GFRA1: variants seen among roughly 807,000 people sequenced by gnomAD.
GFRA1 encodes the protein GDNF family receptor alpha-1.
Under a neutral mutation model 51.6 loss-of-function variants are expected in GFRA1, and 16 were observed. The observed-to-expected ratio is 0.31, with a 90% CI of 0.21 to 0.47. The LOEUF (loss-of-function observed/expected upper bound fraction) is 0.47, where lower values mean the gene tolerates loss of function less well. Among genes scored for constraint, GFRA1 ranks in the 20% least tolerant of loss-of-function variants. The probability of loss-of-function intolerance (pLI) is 1.00; values close to 1 mark genes in which losing one functional copy is unlikely to be tolerated. For synonymous variants in GFRA1, 270 were observed against 241.3 expected, an observed-to-expected ratio of 1.12 and a Z score of -1.10; for missense variants, 530 against 594.3, an observed-to-expected ratio of 0.89 and a Z score of 1.13.
intron 3 of GFRA1, among the ~76,000 whole-genome samples, 173 bp from the exon 4 acceptor site, chr10:116,269,759 C>A (rs1177087265): frequency 6.6e-6 from 1 of 152,144 alleles, no homozygotes; most frequent in African/African-American, 2.4e-5. Flanking sequence ...TCATTCCCTC[C>A]GCCTTTGTTG....
rs6144108 is a variant in GFRA1 at position 116,064,037 on chromosome 10, AATCATCATCATGATCATGATG to A, written c.*340_*360del. 31,787 of 206,490 alleles carry A rather than the reference AATCATCATCATGATCATGATG, an allele frequency of 0.15. 3,162 individuals carry two copies. Among genetic ancestry groups the A allele is most frequent in the East Asian group, 0.47 (3,668 of 7,748 alleles). 12.8% of individuals were successfully genotyped at this position (206,490 alleles called of 1,614,324 possible). A position where few individuals can be genotyped will look rare whatever the true frequency, so the allele number is the denominator to read the frequency against. On this transcript the variant is annotated 3_prime_UTR_variant, in exon 11 of 11. Coordinates refer to ENST00000355422, the MANE Select transcript of GFRA1 (RefSeq NM_005264.8). ...GAAAGGCCAGAAGTAAAACTGTTAAAATCATCATCATGATCATGATGATCATCATCATGATCATGATGATCA... is the reference window on the plus strand; with the variant it reads ...GAAAGGCCAGAAGTAAAACTGTTAAAATCATCATCATGATCATGATGATCA...
At position 116,065,565 on chromosome 10, in the gene GFRA1, A is replaced by C. The variant is rs371052783; in HGVS notation, c.1251+8T>G. On this transcript the variant is annotated splice_region_variant and intron_variant, in intron 10 of 10. Transcript: ENST00000355422. The stretch of plus-strand genomic sequence containing the variant: ...AATGCACGAAGCCTCCAAAAGAAAC[A>C]TACTTACATTGGAAATACAGAGGTG... 142 of 1,610,342 alleles carry C rather than the reference A, an allele frequency of 8.8e-5. 1 individual carries two copies. Among genetic ancestry groups the C allele is most frequent in the South Asian group, 8.8e-4 (80 of 91,006 alleles).
intron 5 of GFRA1, among the ~76,000 whole-genome samples, chr10:116,174,192 A>T (rs1325067917): frequency 6.6e-6 from 1 of 152,190 alleles, no homozygotes; most frequent in East Asian, 1.9e-4. Flanking sequence ...GCCTACAAAA[A>T]GTGATTGTGT....
intron 9 of GFRA1, among the ~76,000 whole-genome samples, chr10:116,070,696 A>C (rs60222467): frequency 0.041 from 6,252 of 151,994 alleles, 422 homozygotes; most frequent in African/African-American, 0.14. Flanking sequence ...GAAGACAGAA[A>C]AAAGAAGCTC....
At position 116,060,060 on chromosome 10, in the gene GFRA1, G is replaced by T. The variant is rs1954729711; in HGVS notation, c.*4338C>A. The T allele has an allele frequency of 1.3e-5, 2 of 152,104 alleles. No homozygotes were observed. The highest frequency in any genetic ancestry group is 4.1e-4 in the South Asian group (2 of 4,830). 9.4% of individuals were successfully genotyped at this position (152,104 alleles called of 1,614,324 possible). On this transcript the variant is annotated 3_prime_UTR_variant, in exon 11 of 11. Transcript: ENST00000355422. ...AATCAGCCAATATCCTGATATAAAT[G>T]AAATGTCCTACCGAATACATCCCAG...
rs564757564 is a variant in GFRA1 at position 116,060,898 on chromosome 10, T to C, written c.*3500A>G. ...ATTTTGTAAATAATAACAACAGAAATACATTTCCGCTGAATTCTGAGAAAA... is the reference window on the plus strand; with the variant it reads ...ATTTTGTAAATAATAACAACAGAAACACATTTCCGCTGAATTCTGAGAAAA... On this transcript the variant is annotated 3_prime_UTR_variant, in exon 11 of 11. Transcript: ENST00000355422. 6.6e-5 allele frequency: 10 copies of C among 152,256 alleles called. No homozygotes were observed. Among genetic ancestry groups the C allele is most frequent in the African/African-American group, 2.4e-4 (10 of 41,562 alleles). The allele number at this position is 152,256 out of a possible 1,614,324, so 9.4% of individuals were successfully genotyped here. A position where few individuals can be genotyped will look rare whatever the true frequency, so the allele number is the denominator to read the frequency against.
chr10:116,273,646 ACTCTCT>A (rs1158805358), upstream of GFRA1, among the ~76,000 whole-genome samples: 62 of 14,394 alleles, frequency 4.3e-3, 1 homozygote, highest in South Asian at 0.23. Context: ...AGACACACAC[ACTCTCT>A]CTCTCTCTCT....
At position 116,272,174 on chromosome 10, in the gene GFRA1, G is replaced by GA; in HGVS notation, c.-146dup. 2 of 757,098 alleles carry GA rather than the reference G, an allele frequency of 2.6e-6. No homozygotes were observed. Among genetic ancestry groups the GA allele is most frequent in the East Asian group, 2.7e-5 (1 of 36,992 alleles). 46.9% of individuals were successfully genotyped at this position (757,098 alleles called of 1,614,324 possible). On this transcript the variant is annotated 5_prime_UTR_variant, in exon 2 of 11. Transcript: ENST00000355422. The surrounding 1 kb of genome is among the most constrained non-coding windows in gnomAD (Gnocchi z 4.4). Reference sequence around the variant, plus strand: ...AGTTCAGCTCCATCCAGTGAAAGAGGAAACTCCGGGTCTGGCAGCAGCCAC... The same window carrying GA: ...AGTTCAGCTCCATCCAGTGAAAGAGGAAAACTCCGGGTCTGGCAGCAGCCAC...
intron 5 of GFRA1, among the ~76,000 whole-genome samples, chr10:116,201,754 C>T (rs1159278895): frequency 6.6e-6 from 1 of 152,132 alleles, no homozygotes; most frequent in Non-Finnish European, 1.5e-5. Flanking sequence ...CTGACCATGC[C>T]TTGTACAAAC....
chr10:116,197,092 C>G (rs944129681), intron 5 of GFRA1, among the ~76,000 whole-genome samples: 1 of 151,968 alleles, frequency 6.6e-6, no homozygotes, highest in Non-Finnish European at 1.5e-5. Flanking sequence ...ATGATTTCCT[C>G]TCAAGATCCT....
At chr10:116,109,200 G>T (rs1367032941) in intron 6 of GFRA1, among the ~76,000 whole-genome samples, 1 of 152,190 alleles carries the variant, frequency 6.6e-6, no homozygotes, top group African/African-American at 2.4e-5. Flanking sequence ...GAGCAGGCCA[G>T]AGTCAGAGCC....
At chr10:116,162,382 T>C (rs1036693824) in intron 5 of GFRA1, among the ~76,000 whole-genome samples, 10 of 152,222 alleles carry the variant, frequency 6.6e-5, no homozygotes, top group Non-Finnish European at 1.0e-4. Context: ...GCCATGTTAA[T>C]GGTGGTCATG....
intron 5 of GFRA1, among the ~76,000 whole-genome samples, chr10:116,164,338 C>T (rs1296870581): frequency 1.3e-5 from 2 of 151,698 alleles, no homozygotes; most frequent in African/African-American, 2.4e-5. Context: ...AAAAAAAACC[C>T]AATCCAACAC....
chr10:116,232,502 C>CA (rs59449613), intron 4 of GFRA1, among the ~76,000 whole-genome samples: 1,960 of 148,574 alleles, frequency 0.013, 24 homozygotes, highest in African/African-American at 0.03. Flanking sequence ...TTTCCTCATA[C>CA]AAAAAAAAAA....
At chr10:116,084,757 AAGTAACACACACACAC>A (rs1438928972) in intron 9 of GFRA1, among the ~76,000 whole-genome samples, 1 of 104,994 alleles carries the variant, frequency 9.5e-6, no homozygotes, top group Non-Finnish European at 2.1e-5. Flanking sequence ...TACTTTAAAT[AAGTAACACACACACAC>A]ACACACACAC....
intron 4 of GFRA1, among the ~76,000 whole-genome samples, chr10:116,259,163 CT>C (rs1482565402): frequency 6.6e-6 from 1 of 152,190 alleles, no homozygotes; most frequent in Non-Finnish European, 1.5e-5. Flanking sequence ...ACATTATTAA[CT>C]GTACACAAAA....
At chr10:116,264,695 A>T (rs1298211719) in intron 4 of GFRA1, among the ~76,000 whole-genome samples, 1 of 152,226 alleles carries the variant, frequency 6.6e-6, no homozygotes, top group Non-Finnish European at 1.5e-5. Context: ...CAGGAAAGTG[A>T]ATGCACATGA....
At chr10:116,266,576 G>T (rs936836881) in intron 4 of GFRA1, among the ~76,000 whole-genome samples, 3 of 152,204 alleles carry the variant, frequency 2.0e-5, no homozygotes, top group African/African-American at 7.2e-5. Flanking sequence ...CCTTGAGATA[G>T]AAAATGGGGC....
At chr10:116,263,788 A>G (rs1452288240) in intron 4 of GFRA1, among the ~76,000 whole-genome samples, 1 of 152,194 alleles carries the variant, frequency 6.6e-6, no homozygotes, top group Non-Finnish European at 1.5e-5. Context: ...TTCAAGTGAG[A>G]GATAAGACAG....
Sources: allele counts gnomAD v4.1 joint callset (sites outside exome capture counted in the v4.1 genomes callset), GRCh38; gene constraint gnomAD v4.1.1; non-coding constraint Gnocchi (gnomAD v3.1); transcripts MANE v1.5; gene names NCBI Gene and HGNC (gene_info 2026-07-23, HGNC 2026-07-21).